The following ZNF335 variants were observed in gnomAD, a reference collection of about 807,000 sequenced individuals.
The protein encoded by ZNF335 is zinc finger protein 335.
In ZNF335, 84 loss-of-function variants were observed where a neutral mutation model predicts 145.6. The ratio of observed to expected loss-of-function variants is 0.58; its 90% CI spans 0.48 to 0.69. The LOEUF (loss-of-function observed/expected upper bound fraction) is 0.69, where lower values mean the gene tolerates loss of function less well. Among genes scored for constraint, ZNF335 ranks in the 30% least tolerant of loss-of-function variants. The pLI, the probability that ZNF335 is intolerant of heterozygous loss-of-function variation, is 0.00. For synonymous variants in ZNF335, 761 were observed against 717.0 expected (o/e 1.06, Z -0.98); for missense variants, 1,865 against 1,809.7 (o/e 1.03, Z -0.55).
At chr20:45,956,605 ACAAATCAATAGAACAGAACT>A (rs1380956194) in intron 17 of ZNF335, among the ~76,000 whole-genome samples, 1 of 152,128 alleles carries the variant, frequency 6.6e-6, no homozygotes, top group Non-Finnish European at 1.5e-5. Context: ...GGAACAGGAG[ACAAATCAATAGAACAGAACT>A]CAAGTCTAGA....
At position 45,971,107 on chromosome 20, in the gene ZNF335, AAC is replaced by A; in HGVS notation, c.201+101_201+102del. On this transcript the variant is annotated intron_variant, in intron 2 of 27. Transcript: ENST00000322927. ...GGTGCCTGGCTCACAGTAAACCAGAAACACCAAGTATTAGCTACAAACAAGCC... is the reference window on the plus strand; with the variant it reads ...GGTGCCTGGCTCACAGTAAACCAGAAACCAAGTATTAGCTACAAACAAGCC... 3 of 1,428,686 alleles carry A rather than the reference AAC, an allele frequency of 2.1e-6. No homozygotes were observed. The South Asian group carries it at 4.4e-5, about 21-fold the overall frequency. The allele number at this position is 1,428,686 out of a possible 1,614,324, so 88.5% of individuals were successfully genotyped here. A position where few individuals can be genotyped will look rare whatever the true frequency, so the allele number is the denominator to read the frequency against.
intron 20 of ZNF335, among the ~76,000 whole-genome samples, chr20:45,950,920 T>G (rs1224831412): frequency 6.6e-6 from 1 of 152,122 alleles, no homozygotes; most frequent in Non-Finnish European, 1.5e-5. Context: ...GAGACAGTTT[T>G]GCTCTTGTTG....
chr20:45,968,585 CACTTACA>C, intron 3 of ZNF335: 2 of 470,516 alleles, frequency 4.3e-6, no homozygotes, highest in South Asian at 4.0e-5. Context: ...AGCCGGCCCA[CACTTACA>C]CAAGATGCCA....
intron 13 of ZNF335, 34 bp from the exon 14 acceptor site, chr20:45,960,402 T>C (rs750949716): frequency 6.2e-7 from 1 of 1,614,048 alleles, no homozygotes; most frequent in Non-Finnish European, 8.5e-7. Flanking sequence ...AGCTCAGTAA[T>C]GAGCTGGGGA....
At chr20:45,962,049 C>A (rs748398757) in intron 10 of ZNF335, 21 bp downstream of exon 10, 7 of 892,436 alleles carry the variant, frequency 7.8e-6, no homozygotes, top group Non-Finnish European at 1.1e-5. Context: ...TTGCCCAGGT[C>A]CCTCCCACCC....
Position 45,950,252 on chromosome 20 carries a change from T to C in ZNF335, c.3454A>G (p.Asn1152Asp). Residue 1152 changes from asparagine to aspartate, a missense_variant, in exon 22 of 28, where the codon AAC becomes GAC. Coordinates refer to ENST00000322927, the MANE Select transcript of ZNF335 (RefSeq NM_022095.4). Reference protein sequence around the residue: ...TQTPTQTIILNSDDETLATLH... With the variant: ...TQTPTQTIILDSDDETLATLH... ...GTGGCCAGTGTTTCGTCATCACTGT[T>C]CAGGATGATGGTCTGGGTTGGGGTC... The C allele has an allele frequency of 6.4e-7, 1 of 1,550,878 alleles. No homozygotes were observed. Among genetic ancestry groups the C allele is most frequent in the East Asian group, 2.3e-5 (1 of 44,412 alleles).
rs547305681 is a variant in ZNF335 at position 45,967,877 on chromosome 20, C to A, written c.671G>T (p.Gly224Val). ...GCTCTGCAGGTCCGGCTCTTCGGCACCGGAGGCTGGGGGCAGCTGCACCGG... is the reference window on the plus strand; with the variant it reads ...GCTCTGCAGGTCCGGCTCTTCGGCAACGGAGGCTGGGGGCAGCTGCACCGG... Reference protein sequence around the residue: ...SSPVQLPPASGAEEPDLQSLE... With the variant: ...SSPVQLPPASVAEEPDLQSLE... The change falls in exon 5 of 28, where the codon GGT becomes GTT. Residue 224 changes from glycine to valine, a missense_variant. Physicochemically the swap from Gly to Val is moderately radical, Grantham distance 109. Transcript: ENST00000322927. 34 of 1,612,868 alleles carry A rather than the reference C, an allele frequency of 2.1e-5. 2 individuals carry two copies. The South Asian group carries it at 3.6e-4, about 17-fold the overall frequency.
intron 20 of ZNF335, among the ~76,000 whole-genome samples, chr20:45,951,502 C>T (rs982012960): frequency 2.6e-5 from 4 of 152,234 alleles, no homozygotes; most frequent in African/African-American, 9.6e-5. Flanking sequence ...AACTGTTTCA[C>T]GGCATGTGCA....
intron 2 of ZNF335, among the ~76,000 whole-genome samples, chr20:45,970,995 C>T (rs2145424240): frequency 6.6e-6 from 1 of 152,232 alleles, no homozygotes; most frequent in South Asian, 2.1e-4. Flanking sequence ...ACCTCGGCAT[C>T]CTTTTCTATA....
At chr20:45,968,399 AG>A in intron 3 of ZNF335, 37 bp from the exon 4 acceptor site, 1 of 1,586,502 alleles carries the variant, frequency 6.3e-7, no homozygotes, top group East Asian at 2.3e-5. Flanking sequence ...CCTCCTGGGG[AG>A]GGGGTCCCAG....
In ZNF335 at chr20:45,972,192, G is replaced by A; in HGVS notation, c.-121C>T. ...AGGTCGCCATCCTCTTTCCTCCGCT[G>A]CGGAGGAACCCATCGGCCTATTGTA... is the stretch of plus-strand genomic sequence containing the variant. On this transcript the variant is annotated 5_prime_UTR_variant, in exon 1 of 28. Coordinates refer to ENST00000322927, the MANE Select transcript of ZNF335 (RefSeq NM_022095.4). 7.8e-7 allele frequency: 1 copy of A among 1,289,162 alleles called. No homozygotes were observed. The highest frequency in any genetic ancestry group is 1.0e-6 in the Non-Finnish European group (1 of 988,520). The allele number at this position is 1,289,162 out of a possible 1,614,324, so 79.9% of individuals were successfully genotyped here.
intron 10 of ZNF335, 85 bp from the exon 11 acceptor site, chr20:45,960,967 C>G: frequency 6.4e-7 from 1 of 1,564,994 alleles, no homozygotes; most frequent in Admixed American, 1.8e-5. Context: ...CCAGCCTCAG[C>G]TATGAGCCTA....
In ZNF335 at chr20:45,950,531, T is replaced by C; in HGVS notation, c.3254A>G (p.Lys1085Arg). 1.2e-6 allele frequency: 2 copies of C among 1,614,212 alleles called. No individual in the cohort carries two copies. The highest frequency in any genetic ancestry group is 1.7e-6 in the Non-Finnish European group (2 of 1,180,056). Residue 1085 changes from lysine (K) to arginine (R), a missense_variant, in exon 21 of 28, where the codon AAG (lysine) becomes AGG (arginine). Lys to Arg is a conservative substitution (Grantham distance 26). Transcript: ENST00000322927. ...GTGCCGACGCAGGTCCTTCTTGTTC[T>C]TGGAGGCAAAGCTGCACTGGCTACA... The part of the protein sequence containing the change: ...HQCSQCSFAS[K>R]NKKDLRRHML...
intron 7 of ZNF335, among the ~76,000 whole-genome samples, chr20:45,965,165 T>C (rs2083928579): frequency 6.6e-6 from 1 of 151,856 alleles, no homozygotes; most frequent in Non-Finnish European, 1.5e-5. Context: ...ATAACCTCCA[T>C]GCATAAATAA....
chr20:45,959,389 G>C lies in ZNF335; in HGVS notation c.2065C>G (p.His689Asp). Reference sequence around the variant, plus strand: ...ACGTGCAGGCGCAGGTTCTTCTTGTGCCGTGTGCTGAAGTGGCAGTACTCA... The same window carrying C: ...ACGTGCAGGCGCAGGTTCTTCTTGTCCCGTGTGCTGAAGTGGCAGTACTCA... ...ACEYCHFSTR[H>D]KKNLRLHVRC... is the part of the protein sequence containing the mutation. Residue 689 changes from histidine to aspartate, a missense_variant, in exon 15 of 28, where the codon CAC becomes GAC. By Grantham distance (81) the His-to-Asp change is moderately conservative. Transcript: ENST00000322927. 1 of 1,542,992 alleles carries C rather than the reference G, an allele frequency of 6.5e-7. No homozygotes were observed. The highest frequency in any genetic ancestry group is 8.8e-7 in the Non-Finnish European group (1 of 1,136,590).
At chr20:45,953,551 G>T (rs2083672114) in intron 18 of ZNF335, 138 bp downstream of exon 18, 1 of 1,164,156 alleles carries the variant, frequency 8.6e-7, no homozygotes, top group Non-Finnish European at 1.2e-6. Context: ...TCCTGAGAAG[G>T]GTAGACTCCA....
chr20:45,963,942 G>A lies in ZNF335; in HGVS notation c.1151C>T (p.Pro384Leu), dbSNP rs542249561. The change falls in exon 8 of 28, where the codon CCA becomes CTA. Residue 384 changes from proline to leucine, a missense_variant. By Grantham distance (98) the Pro-to-Leu change is moderately conservative. Transcript: ENST00000322927. ...GGGAGCCTCGGGATCCTGTGGCTCT[G>A]GAGGGCTCTGTCCACTCTGGGAACT... ...LVSSQSGQSP[P>L]EPQDPEAPSS... 1.2e-5 allele frequency: 19 copies of A among 1,553,806 alleles called. No individual in the cohort carries two copies. Among genetic ancestry groups the A allele is most frequent in the Non-Finnish European group, 1.7e-5 (19 of 1,150,502 alleles).
chr20:45,964,862 C>T (rs2083921126), intron 7 of ZNF335, among the ~76,000 whole-genome samples: 1 of 149,900 alleles, frequency 6.7e-6, no homozygotes, highest in Non-Finnish European at 1.5e-5. Context: ...TATGGTGAAA[C>T]CCTGTCTCTA....
At position 45,960,649 on chromosome 20, in the gene ZNF335, C is replaced by A. The variant is rs201141798; in HGVS notation, c.1749G>T (p.Thr583=). The change falls in exon 12 of 28, where the codon ACG becomes ACT. Residue 583 remains threonine (T), a synonymous_variant. Coordinates refer to ENST00000322927, the MANE Select transcript of ZNF335 (RefSeq NM_022095.4). ...MQKRLTQHMK[T]HSTEKPHMCD... ...ACATGTGGGGCTTCTCAGTGCTGTG[C>A]GTCTTCATGTGCTGCGTGAGTCTTT... 3.7e-6 allele frequency: 6 copies of A among 1,613,968 alleles called. No individual in the cohort carries two copies. The highest frequency in any genetic ancestry group is 5.1e-6 in the Non-Finnish European group (6 of 1,180,026).
Sources: allele counts gnomAD v4.1 joint callset (sites outside exome capture counted in the v4.1 genomes callset), GRCh38; gene constraint gnomAD v4.1.1; transcripts MANE v1.5; gene names NCBI Gene and HGNC (gene_info 2026-07-23, HGNC 2026-07-21).